The following PKD2L1 variants were observed in gnomAD, a reference collection of about 807,000 sequenced individuals.
PKD2L1 encodes polycystin 2 like 1, transient receptor potential cation channel, also known as polycystin-2-like protein 1.
Under a neutral mutation model 93.0 loss-of-function variants are expected in PKD2L1, and 77 were observed. The observed-to-expected ratio is 0.83, with a 90% CI of 0.69 to 1.00. The LOEUF (loss-of-function observed/expected upper bound fraction) is 1.00. Among genes scored for constraint, PKD2L1 ranks in the 50% least tolerant of loss-of-function variants. The probability of loss-of-function intolerance (pLI) is 0.00; values close to 1 mark genes in which losing one functional copy is unlikely to be tolerated. For missense variants in PKD2L1, 977 were observed against 990.9 expected, an observed-to-expected ratio of 0.99 and a Z score of 0.19; for synonymous variants, 390 against 388.0, an observed-to-expected ratio of 1.01 and a Z score of -0.06.
intron 2 of PKD2L1, among the ~76,000 whole-genome samples, chr10:100,327,230 G>C (rs1849399636): frequency 1.3e-5 from 2 of 152,166 alleles, no homozygotes; most frequent in Admixed American, 6.5e-5. Context: ...CCCCAGGTTG[G>C]GCTGGTTGGC....
rs760416246 is a variant in PKD2L1, at chr10:100,297,030, G to C, written c.1135C>G (p.Leu379Val). ...TTCCAGATGCTGCTGAGGTAGCGAAGCCGGTGAATGTGGAGCTCCAGGATC... is the reference window on the plus strand; with the variant it reads ...TTCCAGATGCTGCTGAGGTAGCGAACCCGGTGAATGTGGAGCTCCAGGATC... The part of the protein sequence containing the change: ...EEILELHIHR[L>V]RYLSSIWNIL... Residue 379 changes from leucine (L) to valine (V), a missense_variant, in exon 6 of 16, where the codon CTT (leucine) becomes GTT (valine). By Grantham distance (32) the Leu-to-Val change is conservative. Coordinates refer to ENST00000318222, the MANE Select transcript of PKD2L1 (RefSeq NM_016112.3). 3 of 1,614,130 alleles carry C rather than the reference G, an allele frequency of 1.9e-6. No individual in the cohort carries two copies. In the South Asian group the frequency reaches 3.3e-5, roughly 18 times the overall value.
intron 4 of PKD2L1, 103 bp from the exon 5 acceptor site, chr10:100,297,709 TGTG>T (rs1848582938): frequency 5.2e-5 from 9 of 173,882 alleles, no homozygotes; most frequent in Non-Finnish European, 9.1e-5. Context: ...ATATTGTGTG[TGTG>T]TGTGTGTGTG....
rs373184678 is a variant in PKD2L1, at chr10:100,297,458, G to A, written c.880C>T (p.Leu294=). Residue 294 remains leucine, a synonymous_variant, in exon 5 of 16, where the codon CTG becomes TTG. Coordinates refer to ENST00000318222, the MANE Select transcript of PKD2L1 (RefSeq NM_016112.3). ...AACACCACTCGAGTGCCCCTGTCCA[G>A]CCACAGCCCCTCCTGAAGGGCCCGG... The part of the protein sequence containing the change: ...ALRALQEGLW[L]DRGTRVVFID... The A allele has an allele frequency of 6.3e-5, 102 of 1,614,038 alleles. No homozygotes were observed. Among genetic ancestry groups the A allele is most frequent in the Admixed American group, 2.2e-4 (13 of 59,998 alleles).
At chr10:100,321,796 GAGGGAGGGAGGGAGGA>G (rs1419007605) in intron 2 of PKD2L1, among the ~76,000 whole-genome samples, 700 of 12,064 alleles carry the variant, frequency 0.058, 298 homozygotes, top group South Asian at 0.087. Flanking sequence ...GGGAGGGAGG[GAGGGAGGGAGGGAGGA>G]AGGAAGGAAA....
At chr10:100,311,748 T>C (rs1269410159) in intron 2 of PKD2L1, among the ~76,000 whole-genome samples, 1 of 152,182 alleles carries the variant, frequency 6.6e-6, no homozygotes, top group African/African-American at 2.4e-5. Context: ...TGGGATCCCT[T>C]CCCTCAACTT....
intron 2 of PKD2L1, among the ~76,000 whole-genome samples, chr10:100,302,256 TACACACACAC>T (rs56239118): frequency 2.7e-5 from 4 of 147,020 alleles, no homozygotes; most frequent in Non-Finnish European, 4.5e-5. Context: ...CACACACGCA[TACACACACAC>T]ACACACACAC....
At chr10:100,296,052 A>G (rs2134381123) in intron 7 of PKD2L1, 70 bp downstream of exon 7, 2 of 1,436,420 alleles carry the variant, frequency 1.4e-6, no homozygotes, top group South Asian at 1.3e-5. Context: ...AAAAAAAGAA[A>G]AAAAAGAAAA....
intron 2 of PKD2L1, among the ~76,000 whole-genome samples, chr10:100,311,272 A>G (rs182048837): frequency 6.6e-6 from 1 of 152,204 alleles, no homozygotes; most frequent in Non-Finnish European, 1.5e-5. Context: ...GTTCTGGTAC[A>G]CGTTTTTTTC....
intron 2 of PKD2L1, among the ~76,000 whole-genome samples, chr10:100,318,598 A>G (rs1271870293): frequency 1.3e-5 from 2 of 149,152 alleles, no homozygotes; most frequent in African/African-American, 2.5e-5. Context: ...GGCTCACTGC[A>G]TGCTCCACCT....
intron 4 of PKD2L1, among the ~76,000 whole-genome samples, chr10:100,298,168 T>C (rs971824871): frequency 1.3e-5 from 2 of 152,194 alleles, no homozygotes; most frequent in African/African-American, 4.8e-5. Context: ...TAATTTGTCA[T>C]CCATCCTTGA....
intron 11 of PKD2L1, 49 bp from the exon 12 acceptor site, chr10:100,291,476 T>G: frequency 6.2e-7 from 1 of 1,600,950 alleles, no homozygotes; most frequent in Non-Finnish European, 8.5e-7. Context: ...GGCTGTGACC[T>G]CTCAGTTATG....
In PKD2L1 at chr10:100,294,567, T is replaced by C. The variant is rs142914565; in HGVS notation, c.1627A>G (p.Thr543Ala). 2,615 of 1,613,676 alleles carry C rather than the reference T, an allele frequency of 1.6e-3. 3 individuals carry two copies. Among genetic ancestry groups the C allele is most frequent in the Middle Eastern group, 5.0e-3 (30 of 6,060 alleles). ...NRILGPAYFV[T>A]YVFFVFFVLL... ...ACGAAGAAGACGAAGAAGACATAGG[T>C]GACAAAGTAGGCAGGGCCCAGGATG... The change falls in exon 9 of 16, where the codon ACC (threonine) becomes GCC (alanine). Residue 543 changes from threonine (T) to alanine (A), a missense_variant. Coordinates refer to ENST00000318222, the MANE Select transcript of PKD2L1 (RefSeq NM_016112.3).
chr10:100,322,023 C>A (rs561981549), intron 2 of PKD2L1, among the ~76,000 whole-genome samples: 1 of 151,594 alleles, frequency 6.6e-6, no homozygotes, highest in Non-Finnish European at 1.5e-5. Flanking sequence ...CCCAGGAGTT[C>A]GAGACCAGAC....
At position 100,313,798 on chromosome 10, in the gene PKD2L1, T is replaced by C. The variant is rs572909833; in HGVS notation, c.350-14080A>G. On this transcript the variant is annotated intron_variant, in intron 2 of 15. Transcript: ENST00000318222. Reference sequence around the variant, plus strand: ...CAATCAATAATTCATCATTGTTTCATGAAGTGTTGCAAAATAAAGGCCATC... The same window carrying C: ...CAATCAATAATTCATCATTGTTTCACGAAGTGTTGCAAAATAAAGGCCATC... Among the ~76,000 whole-genome samples, 5 of 152,284 alleles carry C rather than the reference T, an allele frequency of 3.3e-5. No individual in the cohort carries two copies. The South Asian group carries it at 1.0e-3, about 32-fold the overall frequency.
chr10:100,293,348 T>C lies in PKD2L1; in HGVS notation c.1691A>G (p.Tyr564Cys), dbSNP rs200412409. 22 of 1,613,308 alleles carry C rather than the reference T, an allele frequency of 1.4e-5. No homozygotes were observed. The Admixed American group carries it at 3.7e-4, about 27-fold the overall frequency. Residue 564 changes from tyrosine (Y) to cysteine (C), a missense_variant, in exon 10 of 16, where the codon TAT (tyrosine) becomes TGT (cysteine). Tyr to Cys is a radical substitution (Grantham distance 194). Transcript: ENST00000318222. The stretch of plus-strand genomic sequence containing the variant: ...AGCCAGCTCCTCCTTGACCTCTGAA[T>C]ATGTGTCATTGATGATGGCCAGGAA... ...NMFLAIINDT[Y>C]SEVKEELAGQ...
chr10:100,299,452 T>A, intron 3 of PKD2L1, 139 bp downstream of exon 3: 1 of 727,588 alleles, frequency 1.4e-6, no homozygotes, highest in Non-Finnish European at 2.3e-6. Flanking sequence ...GACTAACCCA[T>A]TAATTCAGCC....
chr10:100,323,357 C>T (rs1325959573), intron 2 of PKD2L1, among the ~76,000 whole-genome samples: 2 of 152,204 alleles, frequency 1.3e-5, no homozygotes, highest in Non-Finnish European at 2.9e-5. Context: ...CAACCTCCAC[C>T]TCCCAGGTTC....
At position 100,297,438 on chromosome 10, in the gene PKD2L1, C is replaced by T; in HGVS notation, c.900G>A (p.Val300=). The change falls in exon 5 of 16, where the codon GTG becomes GTA. Residue 300 remains valine (V), a synonymous_variant. Coordinates refer to ENST00000318222, the MANE Select transcript of PKD2L1 (RefSeq NM_016112.3). ...TGTAGACTGAGAAGTCGATGAACAC[C>T]ACTCGAGTGCCCCTGTCCAGCCACA... The part of the protein sequence containing the change: ...EGLWLDRGTR[V]VFIDFSVYNA... 4 of 1,614,142 alleles carry T rather than the reference C, an allele frequency of 2.5e-6. No individual in the cohort carries two copies. Among genetic ancestry groups the T allele is most frequent in the Non-Finnish European group, 3.4e-6 (4 of 1,180,016 alleles).
intron 2 of PKD2L1, among the ~76,000 whole-genome samples, chr10:100,302,031 C>A (rs1220881279): frequency 2.6e-5 from 4 of 152,160 alleles, no homozygotes; most frequent in Non-Finnish European, 4.4e-5. Context: ...GATGGCGTTT[C>A]TCCATGTTGG....
Sources: gnomAD v4.1 joint callset for allele counts (sites outside exome capture counted in the v4.1 genomes callset) on GRCh38, gnomAD v4.1.1 for gene constraint, MANE v1.5 for transcripts, NCBI Gene and HGNC (gene_info 2026-07-23, HGNC 2026-07-21) for gene names.